FRMPD1: variants seen among roughly 807,000 people sequenced by gnomAD.
FRMPD1 encodes FERM and PDZ domain-containing protein 1.
FRMPD1 carries 76 observed loss-of-function variants against 117.8 expected under a neutral mutation model. The observed-to-expected ratio is 0.65, with a 90% CI of 0.54 to 0.78. The LOEUF is 0.78. Among genes scored for constraint, FRMPD1 ranks in the 30% least tolerant of loss-of-function variants. FRMPD1 has a pLI of 0.00. For missense variants in FRMPD1, 1,786 were observed against 1,964.5 expected, an observed-to-expected ratio of 0.91 and a Z score of 1.72; for synonymous variants, 783 against 770.4, an observed-to-expected ratio of 1.02 and a Z score of -0.27.
intron 5 of FRMPD1, among the ~76,000 whole-genome samples, chr9:37,715,152 T>G (rs1483223432): frequency 6.6e-6 from 1 of 152,168 alleles, no homozygotes; most frequent in East Asian, 1.9e-4. Flanking sequence ...TGTAGATCTG[T>G]ATTGTCTATA....
chr9:37,657,951 A>C (rs562528932), intron 1 of FRMPD1, among the ~76,000 whole-genome samples: 83 of 151,900 alleles, frequency 5.5e-4, no homozygotes, highest in Non-Finnish European at 1.1e-3. Flanking sequence ...GTTCTTCATT[A>C]TTCCAAGCCA....
chr9:37,735,779 G>C (rs749156586), intron 13 of FRMPD1, 45 bp downstream of exon 13: 1 of 1,348,020 alleles, frequency 7.4e-7, no homozygotes. Flanking sequence ...CTGGAATTTG[G>C]GGCCAAATAG....
chr9:37,740,060 C>T lies in FRMPD1; in HGVS notation c.1550-18C>T. 1 of 1,545,096 alleles carries T rather than the reference C, an allele frequency of 6.5e-7. No individual in the cohort carries two copies. Among genetic ancestry groups the T allele is most frequent in the Non-Finnish European group, 8.8e-7 (1 of 1,134,768 alleles). On this transcript the variant is annotated intron_variant, in intron 14 of 15. Coordinates refer to ENST00000377765, the MANE Select transcript of FRMPD1 (RefSeq NM_014907.3). The surrounding 1 kb of genome is among the most constrained non-coding windows in gnomAD (Gnocchi z 4.2). ...GGAGAATTCTGTTGTGTAACTGTTGCTGTACCCTGTGTTGCAGGCTATGAA... is the reference window on the plus strand; with the variant it reads ...GGAGAATTCTGTTGTGTAACTGTTGTTGTACCCTGTGTTGCAGGCTATGAA...
At chr9:37,650,401 A>G (rs1171665607), upstream of FRMPD1, among the ~76,000 whole-genome samples, 1 of 152,012 alleles carries the variant, frequency 6.6e-6, no homozygotes, top group African/African-American at 2.4e-5. Flanking sequence ...AAGCTAGGAG[A>G]ACACAGTTTC....
intron 7 of FRMPD1, 51 bp from the exon 8 acceptor site, chr9:37,729,677 G>T: frequency 6.3e-7 from 1 of 1,588,036 alleles, no homozygotes; most frequent in South Asian, 1.1e-5. Context: ...GAAGGCCAGG[G>T]AAGTCCTTCC....
At chr9:37,643,699 T>C in the FRMPD1 span, among the ~76,000 whole-genome samples, 2 of 152,206 alleles carry the variant, frequency 1.3e-5, no homozygotes, top group African/African-American at 4.8e-5. Flanking sequence ...CTTTAAATAA[T>C]CTCTGATCTG....
the FRMPD1 span, among the ~76,000 whole-genome samples, chr9:37,615,939 A>G: frequency 6.6e-6 from 1 of 151,214 alleles, no homozygotes; most frequent in Admixed American, 6.6e-5. Context: ...CAGCCTCCCA[A>G]GTAGCTGAGA....
the FRMPD1 span, among the ~76,000 whole-genome samples, chr9:37,627,639 A>G: frequency 1.3e-5 from 2 of 152,098 alleles, no homozygotes; most frequent in Non-Finnish European, 2.9e-5. Context: ...ATGCCCAGCT[A>G]ATTTTTATTT....
intron 1 of FRMPD1, among the ~76,000 whole-genome samples, chr9:37,673,568 G>A (rs368035331): frequency 1.3e-5 from 2 of 152,216 alleles, no homozygotes; most frequent in Non-Finnish European, 2.9e-5. Context: ...GACTGTGTAT[G>A]GGGGCTCCCA....
the FRMPD1 span, among the ~76,000 whole-genome samples, chr9:37,628,393 G>A: frequency 2.6e-5 from 4 of 152,038 alleles, no homozygotes; most frequent in East Asian, 7.7e-4. Flanking sequence ...TAGTCTTTGG[G>A]GAAATCTTAC....
rs1277465550 is a variant in FRMPD1, at chr9:37,729,888, T to C, written c.738+35T>C. The C allele has an allele frequency of 3.1e-6, 5 of 1,604,796 alleles. No individual in the cohort carries two copies. In the East Asian group the frequency reaches 8.9e-5, roughly 29 times the overall value. ...ACTGACCGCCTGTTCCTGGGAGGCA[T>C]GGGCTGGGCTGGCTGCATACCTCAG... On this transcript the variant is annotated intron_variant, in intron 8 of 15. Transcript: ENST00000377765.
chr9:37,611,041 G>A, the FRMPD1 span, among the ~76,000 whole-genome samples: 7 of 152,152 alleles, frequency 4.6e-5, no homozygotes, highest in Non-Finnish European at 1.0e-4. Flanking sequence ...TAATACCTTT[G>A]TGCAAGCATC....
chr9:37,716,461 C>CTGTCATTTCCAATG (rs1379581120), intron 5 of FRMPD1, among the ~76,000 whole-genome samples: 1 of 152,208 alleles, frequency 6.6e-6, no homozygotes, highest in Admixed American at 6.5e-5. Context: ...TTTCCAATGA[C>CTGTCATTTCCAATG]TTCCTGTCAG....
rs1485669346 is a variant in FRMPD1 at position 37,745,356 on chromosome 9, A to G, written c.3324A>G (p.Leu1108=). 1 of 1,613,360 alleles carries G rather than the reference A, an allele frequency of 6.2e-7. No homozygotes were observed. The highest frequency in any genetic ancestry group is 8.5e-7 in the Non-Finnish European group (1 of 1,179,246). The part of the protein sequence containing the change: ...IPTKEEPQGQ[L]SLERDREVTN... ...CAAAGGAAGAGCCACAAGGACAACTATCTCTGGAAAGAGACAGAGAAGTTA... is the reference window on the plus strand; with the variant it reads ...CAAAGGAAGAGCCACAAGGACAACTGTCTCTGGAAAGAGACAGAGAAGTTA... Residue 1108 remains leucine (L), a synonymous_variant, in exon 16 of 16, where the codon CTA becomes CTG. Coordinates refer to ENST00000377765, the MANE Select transcript of FRMPD1 (RefSeq NM_014907.3).
rs115948491 is a variant in FRMPD1, at chr9:37,658,892, G to A, written c.-5+7798G>A. Among the ~76,000 whole-genome samples, 1,136 of 152,134 alleles carry A rather than the reference G, an allele frequency of 7.5e-3. 18 individuals are homozygous for A. The highest frequency in any genetic ancestry group is 0.025 in the African/African-American group (1,042 of 41,508). On this transcript the variant is annotated intron_variant, in intron 1 of 15. Transcript: ENST00000377765. ...ATTTATTTATTTATTTTTGAGACTG[G>A]GTTTGGCTCTGTCACCCAGGCTGGA...
chr9:37,665,338 G>A (rs1239777595), intron 1 of FRMPD1, among the ~76,000 whole-genome samples: 1 of 152,154 alleles, frequency 6.6e-6, no homozygotes, highest in East Asian at 1.9e-4. Flanking sequence ...ATAAGAGGGA[G>A]GAAATAAGTG....
In FRMPD1 at chr9:37,731,013, C is replaced by T; in HGVS notation, c.768C>T (p.Tyr256=). 1 of 1,613,686 alleles carries T rather than the reference C, an allele frequency of 6.2e-7. No homozygotes were observed. Among genetic ancestry groups the T allele is most frequent in the Admixed American group, 1.7e-5 (1 of 60,020 alleles). Residue 256 remains tyrosine, a synonymous_variant, in exon 9 of 16, where the codon TAC becomes TAT. Coordinates refer to ENST00000377765, the MANE Select transcript of FRMPD1 (RefSeq NM_014907.3). ...TAGAAAGGGAGGAGTCACATGACTA[C>T]CGCTGCCTCTTCAGGGTCTGTTTTG... The part of the protein sequence containing the change: ...QVVEREESHD[Y]RCLFRVCFVP...
intron 2 of FRMPD1, among the ~76,000 whole-genome samples, chr9:37,698,511 A>T: frequency 6.7e-6 from 1 of 149,478 alleles, no homozygotes; most frequent in Admixed American, 6.7e-5. Context: ...GCTGTATTAA[A>T]ATTACTTACG....
At chr9:37,620,050 C>G in the FRMPD1 span, among the ~76,000 whole-genome samples, 1 of 152,152 alleles carries the variant, frequency 6.6e-6, no homozygotes, top group African/African-American at 2.4e-5. Context: ...CATCCTTACC[C>G]TGTAACAGAG....
Sources: gnomAD v4.1 joint callset for allele counts (sites outside exome capture counted in the v4.1 genomes callset) on GRCh38, gnomAD v4.1.1 for gene constraint, Gnocchi (gnomAD v3.1) non-coding constraint, MANE v1.5 for transcripts, NCBI Gene and HGNC (gene_info 2026-07-23, HGNC 2026-07-21) for gene names.